The following MORF4L1 variants were observed in gnomAD, a reference collection of about 807,000 sequenced individuals.
The protein encoded by MORF4L1 is mortality factor 4 like 1, also known as mortality factor 4-like protein 1.
A neutral mutation model predicts 52.9 loss-of-function variants in MORF4L1; 4 were observed. The ratio of observed to expected loss-of-function variants is 0.08; its 90% confidence interval spans 0.04 to 0.17. MORF4L1 has a LOEUF of 0.17. MORF4L1 is among the 10% of genes least tolerant of loss of function. The pLI is 1.00. For synonymous variants in MORF4L1, 123 were observed against 134.8 expected (o/e 0.91, Z 0.61); for missense variants, 214 against 390.4 (o/e 0.55, Z 3.81).
intron 11 of MORF4L1, among the ~76,000 whole-genome samples, chr15:78,896,232 C>T (rs1211608873): frequency 1.3e-5 from 2 of 151,952 alleles, no homozygotes; most frequent in African/African-American, 4.8e-5. Flanking sequence ...TGCCTCGGCC[C>T]CCCAAAGTGC....
chr15:78,876,627 G>A, intron 1 of MORF4L1: 3 of 455,406 alleles, frequency 6.6e-6, no homozygotes, highest in South Asian at 1.5e-5. Flanking sequence ...TACCAGGAGA[G>A]TGAAATTAGG....
At chr15:78,894,446 T>A in intron 10 of MORF4L1, 1 of 400,048 alleles carries the variant, frequency 2.5e-6, no homozygotes, top group Non-Finnish European at 4.3e-6. Flanking sequence ...ACAGTCTCTG[T>A]TGCCCAGGCT....
At chr15:78,886,770 A>T (rs1351259627) in intron 4 of MORF4L1, among the ~76,000 whole-genome samples, 1 of 152,176 alleles carries the variant, frequency 6.6e-6, no homozygotes, top group Non-Finnish European at 1.5e-5. Context: ...CCTGGCTAAC[A>T]CGGTGAAACC....
At chr15:78,876,343 T>C in intron 1 of MORF4L1, 3 of 285,602 alleles carry the variant, frequency 1.1e-5, no homozygotes, top group South Asian at 9.7e-5. Flanking sequence ...ATATATGTTG[T>C]ATAAGCAATT....
Position 78,895,771 on chromosome 15 carries a change from A to C in MORF4L1, c.887+867A>C, listed in dbSNP as rs375032382. On this transcript the variant is annotated intron_variant, in intron 11 of 11. Transcript: ENST00000426013. ...GTTGGAAGGGAGGGTGGGAGTTTTC[A>C]GTTTCTACTTTGTATACTTCTGTAT... is the stretch of plus-strand genomic sequence containing the variant. Among the ~76,000 whole-genome samples the C allele has an allele frequency of 1.6e-4, 24 of 152,210 alleles. No homozygotes were observed. In the East Asian group the frequency reaches 4.3e-3, roughly 27 times the overall value.
rs1158976260 is a variant in MORF4L1 at position 78,886,096 on chromosome 15, G to C, written c.156-45G>C. 2.7e-6 allele frequency: 4 copies of C among 1,455,760 alleles called. No homozygotes were observed. In the South Asian group the frequency reaches 4.6e-5, roughly 17 times the overall value. 90.2% of individuals were successfully genotyped at this position (1,455,760 alleles called of 1,614,324 possible). On this transcript the variant is annotated intron_variant, in intron 3 of 11. Coordinates refer to ENST00000426013, the MANE Select transcript of MORF4L1 (RefSeq NM_006791.4). The stretch of plus-strand genomic sequence containing the variant: ...TCTTGATCTCAGAAAATTAGTTGGA[G>C]AACAGAGTATTTTTGAGTTAAATTT...
intron 1 of MORF4L1, chr15:78,876,429 T>G (rs2056492612): frequency 2.5e-6 from 1 of 400,902 alleles, no homozygotes; most frequent in Non-Finnish European, 5.0e-6. Flanking sequence ...TTTGTTTAGA[T>G]TTTGAGACGG....
intron 3 of MORF4L1, among the ~76,000 whole-genome samples, chr15:78,882,133 G>T (rs2056614200): frequency 6.6e-6 from 1 of 152,182 alleles, no homozygotes; most frequent in South Asian, 2.1e-4. Flanking sequence ...CAACTTGTGG[G>T]TATTTTTTTC....
chr15:78,874,079 C>G (rs147424698), intron 1 of MORF4L1, among the ~76,000 whole-genome samples: 1 of 152,154 alleles, frequency 6.6e-6, no homozygotes, highest in Non-Finnish European at 1.5e-5. Context: ...TGGAAGGCAG[C>G]TCTTTAAATT....
At chr15:78,873,375 C>T (rs1022396313) in intron 1 of MORF4L1, among the ~76,000 whole-genome samples, 1 of 133,912 alleles carries the variant, frequency 7.5e-6, no homozygotes, top group Admixed American at 7.8e-5. Context: ...AGGGAGGCGA[C>T]GGGAGCGCCA....
chr15:78,882,280 A>G (rs1226077817), intron 3 of MORF4L1, among the ~76,000 whole-genome samples: 7 of 152,074 alleles, frequency 4.6e-5, no homozygotes, highest in African/African-American at 1.7e-4. Flanking sequence ...GTGCCACTGC[A>G]CTCTAGCCTG....
intron 2 of MORF4L1, among the ~76,000 whole-genome samples, chr15:78,879,778 A>G (rs1054544050): frequency 6.6e-6 from 1 of 151,954 alleles, no homozygotes; most frequent in South Asian, 2.1e-4. Context: ...TCTACCAAAA[A>G]AAAAAAAAAA....
At chr15:78,876,233 G>T (rs1227359363) in intron 1 of MORF4L1, among the ~76,000 whole-genome samples, 1 of 151,810 alleles carries the variant, frequency 6.6e-6, no homozygotes, top group Non-Finnish European at 1.5e-5. Context: ...ACCGCGCCCG[G>T]CCGAGAAATA....
At chr15:78,891,329 T>C in intron 6 of MORF4L1, 155 bp from the exon 7 acceptor site, 1 of 675,770 alleles carries the variant, frequency 1.5e-6, no homozygotes, top group Non-Finnish European at 2.5e-6. Context: ...TCATGAAAGT[T>C]GTATTTTTGG....
chr15:78,895,029 G>A, intron 11 of MORF4L1, 125 bp downstream of exon 11: 1 of 751,938 alleles, frequency 1.3e-6, no homozygotes, highest in South Asian at 1.6e-5. Flanking sequence ...TGGTAATGGA[G>A]CAGTAAAAGT....
intron 2 of MORF4L1, among the ~76,000 whole-genome samples, chr15:78,878,714 G>GC (rs2056541989): frequency 2.0e-5 from 3 of 152,136 alleles, no homozygotes; most frequent in African/African-American, 7.2e-5. Context: ...ATTCTGGGAG[G>GC]CCCCCTTTGT....
intron 5 of MORF4L1, among the ~76,000 whole-genome samples, chr15:78,888,834 T>TA (rs1418052556): frequency 6.6e-6 from 1 of 152,208 alleles, no homozygotes; most frequent in African/African-American, 2.4e-5. Flanking sequence ...TGGCAAGGAT[T>TA]AAGTGTGTTA....
intron 1 of MORF4L1, among the ~76,000 whole-genome samples, chr15:78,874,941 G>GA (rs917346956): frequency 1.3e-5 from 2 of 151,306 alleles, no homozygotes; most frequent in Non-Finnish European, 2.9e-5. Context: ...CCTAAACCCC[G>GA]AAAAAAACCA....
chr15:78,885,130 T>A (rs774990580), intron 3 of MORF4L1: 1 of 1,411,538 alleles, frequency 7.1e-7, no homozygotes, highest in Non-Finnish European at 9.9e-7. Flanking sequence ...TGTTCAGGAT[T>A]GCTTTTTATT....
Sources: gnomAD v4.1 joint callset for allele counts (sites outside exome capture counted in the v4.1 genomes callset) on GRCh38, gnomAD v4.1.1 for gene constraint, MANE v1.5 for transcripts, NCBI Gene and HGNC (gene_info 2026-07-23, HGNC 2026-07-21) for gene names.